CEP57: variants seen among roughly 807,000 people sequenced by gnomAD.
CEP57 encodes the protein centrosomal protein of 57 kDa.
Under a neutral mutation model 68.0 loss-of-function variants are expected in CEP57, and 40 were observed. The observed-to-expected ratio is 0.59, with a 90% CI of 0.46 to 0.77. The LOEUF (loss-of-function observed/expected upper bound fraction) is 0.77. Among genes scored for constraint, CEP57 ranks in the 30% least tolerant of loss-of-function variants. The pLI, the probability that CEP57 is intolerant of heterozygous loss-of-function variation, is 0.00. For missense variants in CEP57, 606 were observed against 580.7 expected (o/e 1.04, Z -0.45); for synonymous variants, 219 against 198.7 (o/e 1.10, Z -0.86).
intron 10 of CEP57, 78 bp downstream of exon 10, chr11:95,829,409 C>T (rs1862906635): frequency 7.3e-6 from 10 of 1,361,160 alleles, no homozygotes; most frequent in Non-Finnish European, 1.0e-5. Flanking sequence ...TAAATGATGA[C>T]ACTAAGTGTA....
chr11:95,805,688 T>C (rs1199949350), intron 2 of CEP57, among the ~76,000 whole-genome samples: 11 of 152,200 alleles, frequency 7.2e-5, no homozygotes, highest in African/African-American at 2.7e-4. Flanking sequence ...TTATATAATA[T>C]AGGTGACTGT....
intron 1 of CEP57, among the ~76,000 whole-genome samples, chr11:95,791,882 C>G (rs185163336): frequency 6.6e-6 from 1 of 152,008 alleles, no homozygotes; most frequent in Non-Finnish European, 1.5e-5. Flanking sequence ...GGAGGTAGAG[C>G]TGGATGAGGT....
At chr11:95,803,875 C>A (rs1028863076) in intron 2 of CEP57, among the ~76,000 whole-genome samples, 1 of 151,966 alleles carries the variant, frequency 6.6e-6, no homozygotes, top group Non-Finnish European at 1.5e-5. Flanking sequence ...AGCGTGTGTC[C>A]CTTGTGGATC....
intron 2 of CEP57, among the ~76,000 whole-genome samples, chr11:95,808,690 C>T (rs1226019626): frequency 6.6e-6 from 1 of 152,106 alleles, no homozygotes; most frequent in Non-Finnish European, 1.5e-5. Context: ...ACAGGAGCAC[C>T]CAGATTCATA....
chr11:95,814,419 G>A lies in CEP57; in HGVS notation c.504+830G>A, dbSNP rs1043699315. Among the ~76,000 whole-genome samples, 5 of 146,408 alleles carry A rather than the reference G, an allele frequency of 3.4e-5. No individual in the cohort carries two copies. In the East Asian group the frequency reaches 6.0e-4, roughly 18 times the overall value. ...TTTATTGCCCAGGCTGGAGAGCAAC[G>A]GCGTGATCTCAGCTCACCGCAACCT... On this transcript the variant is annotated intron_variant, in intron 4 of 10. Coordinates refer to ENST00000325542, the MANE Select transcript of CEP57 (RefSeq NM_014679.5).
chr11:95,822,166 A>G lies in CEP57; in HGVS notation c.807+188A>G, dbSNP rs548614373. The G allele has an allele frequency of 6.5e-6, 4 of 613,210 alleles. No individual in the cohort carries two copies. In the Admixed American group the frequency reaches 8.6e-5, roughly 13 times the overall value. The allele number at this position is 613,210 out of a possible 1,614,324, so 38.0% of individuals were successfully genotyped here. A position where few individuals can be genotyped will look rare whatever the true frequency, so the allele number is the denominator to read the frequency against. On this transcript the variant is annotated intron_variant, in intron 7 of 10. Transcript: ENST00000325542. ...TTTTATCCTGATAGTGAGAAAATAT[A>G]TAAGCATTTTGGAACTACAGAACAC...
In CEP57 at chr11:95,815,979, T is replaced by A. The variant is rs138276490; in HGVS notation, c.505-1808T>A. Reference sequence around the variant, plus strand: ...TTTCATTTGCTTTTGAGTTCCTTTCTCTTTTTTTTGTATCTGAAGATTTTC... The same window carrying A: ...TTTCATTTGCTTTTGAGTTCCTTTCACTTTTTTTTGTATCTGAAGATTTTC... On this transcript the variant is annotated intron_variant, in intron 4 of 10. Transcript: ENST00000325542. Among the ~76,000 whole-genome samples, 57 of 152,322 alleles carry A rather than the reference T, an allele frequency of 3.7e-4. 1 individual carries two copies. The highest frequency in any genetic ancestry group is 4.9e-4 in the Non-Finnish European group (33 of 68,040).
intron 2 of CEP57, among the ~76,000 whole-genome samples, chr11:95,801,479 C>T (rs1861578226): frequency 7.0e-6 from 1 of 143,662 alleles, no homozygotes; most frequent in Non-Finnish European, 1.5e-5. Flanking sequence ...ATGACTGAAG[C>T]CCACAGTAGA....
intron 6 of CEP57, among the ~76,000 whole-genome samples, chr11:95,820,509 T>A (rs1216207911): frequency 1.3e-5 from 2 of 148,170 alleles, no homozygotes; most frequent in Non-Finnish European, 3.0e-5. Context: ...GAGAATCGCT[T>A]GAACCTGGGA....
chr11:95,797,577 C>G (rs1861402444), intron 1 of CEP57, among the ~76,000 whole-genome samples: 1 of 152,148 alleles, frequency 6.6e-6, no homozygotes, highest in South Asian at 2.1e-4. Flanking sequence ...GTCCCTTCAT[C>G]AGCCTAACAA....
At chr11:95,811,198 A>G (rs1358117831) in intron 2 of CEP57, among the ~76,000 whole-genome samples, 4 of 152,206 alleles carry the variant, frequency 2.6e-5, no homozygotes, top group Non-Finnish European at 5.9e-5. Flanking sequence ...ATGTCCATCA[A>G]GACTGGATTA....
Position 95,818,849 on chromosome 11 carries a change from C to G in CEP57, c.644C>G (p.Ala215Gly). The G allele has an allele frequency of 6.2e-7, 1 of 1,613,908 alleles. No individual in the cohort carries two copies. The highest frequency in any genetic ancestry group is 8.5e-7 in the Non-Finnish European group (1 of 1,179,902). Residue 215 changes from alanine (A) to glycine (G), a missense_variant, in exon 6 of 11, where the codon GCA becomes GGA. Transcript: ENST00000325542. Reference sequence around the variant, plus strand: ...TAGAAAAAAATGCAAGAGTTGGAAGCAAAACTCCATGAAGAAGAACAGGAA... The same window carrying G: ...TAGAAAAAAATGCAAGAGTTGGAAGGAAAACTCCATGAAGAAGAACAGGAA... ...LAEKKMQELE[A>G]KLHEEEQERK... is the part of the protein sequence containing the mutation.
chr11:95,817,747 A>G (rs765752983), intron 4 of CEP57, 40 bp from the exon 5 acceptor site: 2 of 1,358,530 alleles, frequency 1.5e-6, no homozygotes, highest in Admixed American at 1.7e-5. Context: ...CTCTTTTTTG[A>G]TTGTCAAATT....
At chr11:95,822,304 T>C in intron 7 of CEP57, 195 bp from the exon 8 acceptor site, 1 of 599,360 alleles carries the variant, frequency 1.7e-6, no homozygotes, top group East Asian at 2.8e-5. Flanking sequence ...CAAGTGCTTT[T>C]TTCCCCCCAG....
chr11:95,822,693 G>A (rs1862566802), intron 8 of CEP57, 117 bp downstream of exon 8: 6 of 867,428 alleles, frequency 6.9e-6, no homozygotes, highest in Non-Finnish European at 1.1e-5. Context: ...TTACCAGTGT[G>A]TGGATCACAG....
intron 4 of CEP57, among the ~76,000 whole-genome samples, chr11:95,814,382 C>T (rs1253458189): frequency 1.7e-5 from 2 of 120,762 alleles, no homozygotes; most frequent in African/African-American, 6.7e-5. Flanking sequence ...TTTTTTGAGA[C>T]GGAGTTTCCC....
Position 95,832,037 on chromosome 11 carries a change from C to G in CEP57, c.*781C>G, listed in dbSNP as rs1356241902. The G allele has an allele frequency of 6.6e-6, 1 of 152,036 alleles. No individual in the cohort carries two copies. The highest frequency in any genetic ancestry group is 1.5e-5 in the Non-Finnish European group (1 of 67,990). The allele number at this position is 152,036 out of a possible 1,614,324, so 9.4% of individuals were successfully genotyped here. ...ATACCTGTTTTGTAATCATGATATT[C>G]AGTCAAGGCATTATGGTTTTTAATC... On this transcript the variant is annotated 3_prime_UTR_variant, in exon 11 of 11. Transcript: ENST00000325542.
At chr11:95,814,896 C>T (rs1188465334) in intron 4 of CEP57, among the ~76,000 whole-genome samples, 4 of 152,110 alleles carry the variant, frequency 2.6e-5, no homozygotes, top group African/African-American at 9.7e-5. Flanking sequence ...ATGCTCAAGT[C>T]TCCTATAAAA....
At chr11:95,820,716 AAAT>A (rs1445629332) in intron 6 of CEP57, among the ~76,000 whole-genome samples, 1 of 152,200 alleles carries the variant, frequency 6.6e-6, no homozygotes, top group Non-Finnish European at 1.5e-5. Flanking sequence ...TGGGAAGAAT[AAAT>A]AAACTGGAAG....
Sources: gnomAD v4.1 joint callset for allele counts (sites outside exome capture counted in the v4.1 genomes callset) on GRCh38, gnomAD v4.1.1 for gene constraint, MANE v1.5 for transcripts, NCBI Gene and HGNC (gene_info 2026-07-23, HGNC 2026-07-21) for gene names.